Variants in LRRC28 observed in about 807,000 individuals in gnomAD.
The protein encoded by LRRC28 is leucine-rich repeat-containing protein 28.
Under a neutral mutation model 45.7 loss-of-function variants are expected in LRRC28, and 39 were observed. The ratio of observed to expected loss-of-function variants is 0.85; its 90% confidence interval spans 0.66 to 1.12. LRRC28 has a LOEUF of 1.12. Among genes scored for constraint, LRRC28 ranks in the 50% most tolerant of loss-of-function variants. The probability of loss-of-function intolerance (pLI) is 0.00; values close to 1 mark genes in which losing one functional copy is unlikely to be tolerated. For missense variants in LRRC28, 435 were observed against 438.5 expected (o/e 0.99, Z 0.07); for synonymous variants, 206 against 178.8 (o/e 1.15, Z -1.22).
At chr15:99,385,935 C>T (rs1957972885) in intron 9 of LRRC28, 95 bp from the exon 10 acceptor site, 3 of 1,085,290 alleles carry the variant, frequency 2.8e-6, no homozygotes, top group East Asian at 2.4e-5. Context: ...ATGGCTAATC[C>T]TCCATTTTAA....
intron 6 of LRRC28, among the ~76,000 whole-genome samples, chr15:99,346,050 T>C (rs1387542308): frequency 6.6e-6 from 1 of 152,204 alleles, no homozygotes; most frequent in East Asian, 1.9e-4. Context: ...GGTGTAGTCA[T>C]GGCTCACTGC....
chr15:99,363,826 AAG>A (rs1957272080), intron 9 of LRRC28, among the ~76,000 whole-genome samples: 1 of 152,250 alleles, frequency 6.6e-6, no homozygotes, highest in African/African-American at 2.4e-5. Context: ...ACTTTAAAAA[AAG>A]GATAGCAGCT....
rs74724838 is a variant in LRRC28 at position 99,265,596 on chromosome 15, G to T, written c.168+9471G>T. On this transcript the variant is annotated intron_variant, in intron 2 of 9. Transcript: ENST00000301981. ...CTGTGGTCTTTGTAAGAAGGAGAAG[G>T]AATATAGCGTGGAAGCAACAATCAC... Among the ~76,000 whole-genome samples, 10 of 152,124 alleles carry T rather than the reference G, an allele frequency of 6.6e-5. No homozygotes were observed. The East Asian group carries it at 1.7e-3, about 26-fold the overall frequency.
intron 5 of LRRC28, among the ~76,000 whole-genome samples, chr15:99,331,416 G>A (rs906383989): frequency 7.2e-5 from 11 of 151,966 alleles, no homozygotes; most frequent in African/African-American, 2.2e-4. Flanking sequence ...TTCCATATCC[G>A]ATCAAACCTA....
chr15:99,378,103 A>G (rs1400116103), intron 9 of LRRC28, among the ~76,000 whole-genome samples: 196 of 151,854 alleles, frequency 1.3e-3, no homozygotes, highest in African/African-American at 3.8e-3. Context: ...GCTTGATGGG[A>G]ATGGCATTGA....
At chr15:99,277,002 T>C (rs2081635086) in intron 3 of LRRC28, among the ~76,000 whole-genome samples, 1 of 152,194 alleles carries the variant, frequency 6.6e-6, no homozygotes, top group Non-Finnish European at 1.5e-5. Flanking sequence ...AGTAAAAGTC[T>C]CTTTTCCTGC....
chr15:99,381,704 G>A (rs1222324164), intron 9 of LRRC28, among the ~76,000 whole-genome samples: 2 of 152,190 alleles, frequency 1.3e-5, no homozygotes, highest in Admixed American at 1.3e-4. Flanking sequence ...TTACAGATGG[G>A]GTTTTGGTGT....
intron 2 of LRRC28, among the ~76,000 whole-genome samples, chr15:99,269,131 T>G (rs1312669082): frequency 2.0e-5 from 3 of 152,236 alleles, no homozygotes; most frequent in Non-Finnish European, 4.4e-5. Flanking sequence ...AATATCAGTC[T>G]TGATGTTTGT....
intron 2 of LRRC28, among the ~76,000 whole-genome samples, chr15:99,260,755 A>G (rs1372200972): frequency 6.6e-6 from 1 of 152,210 alleles, no homozygotes; most frequent in African/African-American, 2.4e-5. Flanking sequence ...TAGTATGTGG[A>G]ATTTTATTTA....
intron 6 of LRRC28, among the ~76,000 whole-genome samples, chr15:99,352,119 AG>A (rs1597406732): frequency 6.6e-6 from 1 of 152,200 alleles, no homozygotes; most frequent in East Asian, 1.9e-4. Context: ...TGGATTTTAC[AG>A]GGTCCACACG....
At chr15:99,258,577 A>C in intron 2 of LRRC28, 1 of 744,630 alleles carries the variant, frequency 1.3e-6, no homozygotes. Context: ...GAAAAACAGA[A>C]ACCAAAGACT....
At chr15:99,261,291 G>C (rs776811340) in intron 2 of LRRC28, among the ~76,000 whole-genome samples, 2 of 152,198 alleles carry the variant, frequency 1.3e-5, no homozygotes, top group Non-Finnish European at 2.9e-5. Context: ...TCCTCTCTTT[G>C]TCCAGTTTGT....
chr15:99,383,269 C>T (rs1227520333), intron 9 of LRRC28, among the ~76,000 whole-genome samples: 1 of 152,202 alleles, frequency 6.6e-6, no homozygotes, highest in Non-Finnish European at 1.5e-5. Context: ...GAGGCTTCTA[C>T]AGCATCCTAT....
intron 6 of LRRC28, among the ~76,000 whole-genome samples, chr15:99,334,405 G>A (rs987910468): frequency 3.5e-5 from 3 of 86,374 alleles, no homozygotes; most frequent in Non-Finnish European, 5.1e-5. Context: ...ATTAAAGAGT[G>A]TGTGTGTGTG....
rs540678467 is a variant in LRRC28 at position 99,369,793 on chromosome 15, A to G, written c.1031+6528A>G. On this transcript the variant is annotated intron_variant, in intron 9 of 9. Transcript: ENST00000301981. ...ACTAAAAGGTCTTACTTTAATCACC[A>G]GGGTATTTTGAGACAGGAACTGTAG... Among the ~76,000 whole-genome samples the G allele has an allele frequency of 2.6e-5, 4 of 152,348 alleles. No individual in the cohort carries two copies. In the South Asian group the frequency reaches 8.3e-4, roughly 32 times the overall value.
chr15:99,262,307 C>G (rs138562055), intron 2 of LRRC28, among the ~76,000 whole-genome samples: 10 of 152,224 alleles, frequency 6.6e-5, no homozygotes, highest in African/African-American at 2.2e-4. Flanking sequence ...TTAGGCCAGG[C>G]ATGGTGGCTC....
chr15:99,290,056 G>A (rs527640041), intron 5 of LRRC28, among the ~76,000 whole-genome samples: 1 of 150,394 alleles, frequency 6.6e-6, no homozygotes, highest in Admixed American at 6.6e-5. Flanking sequence ...TCAGGAGTTC[G>A]AGACCAGCCT....
chr15:99,293,465 TG>T (rs1743700643), intron 5 of LRRC28, among the ~76,000 whole-genome samples: 1 of 151,430 alleles, frequency 6.6e-6, no homozygotes, highest in Non-Finnish European at 1.5e-5. Context: ...TGGTGGCGCA[TG>T]CCTGTAATCC....
intron 5 of LRRC28, among the ~76,000 whole-genome samples, chr15:99,331,328 A>G (rs1392544037): frequency 2.6e-5 from 4 of 152,190 alleles, no homozygotes; most frequent in Non-Finnish European, 5.9e-5. Flanking sequence ...ATAAATTTTT[A>G]GCATTGGCAT....
Sources: gnomAD v4.1 joint callset for allele counts (sites outside exome capture counted in the v4.1 genomes callset) on GRCh38, gnomAD v4.1.1 for gene constraint, MANE v1.5 for transcripts, NCBI Gene and HGNC (gene_info 2026-07-23, HGNC 2026-07-21) for gene names.